The following CERS1 variants were observed in gnomAD, a reference collection of about 807,000 sequenced individuals.
CERS1 encodes the protein Embryonic growth/differentiation factor 1.
Under a neutral mutation model 35.7 loss-of-function variants are expected in CERS1, and 16 were observed. The ratio of observed to expected loss-of-function variants is 0.45; its 90% CI spans 0.30 to 0.68. The LOEUF is 0.68. Ranked by LOEUF, CERS1 falls within the 30% of genes least tolerant of loss-of-function variation. The pLI, the probability that CERS1 is intolerant of heterozygous loss-of-function variation, is 0.08. For synonymous variants in CERS1, 243 were observed against 201.6 expected (o/e 1.21, Z -1.74); for missense variants, 454 against 453.9 (o/e 1.00, Z 0.00).
At chr19:18,889,682 G>C (rs902952477) in intron 2 of CERS1, among the ~76,000 whole-genome samples, 1 of 151,984 alleles carries the variant, frequency 6.6e-6, no homozygotes, top group African/African-American at 2.4e-5. Flanking sequence ...CTCCCACCTT[G>C]GCCTCCCAAA....
intron 3 of CERS1, chr19:18,883,241 G>A (rs2056259229): frequency 6.6e-6 from 1 of 152,176 alleles, no homozygotes; most frequent in African/African-American, 2.4e-5. Context: ...AATAGTATAT[G>A]AGCAGTGTAT....
Position 18,896,014 on chromosome 19 carries a change from G to T in CERS1, c.59C>A (p.Ala20Glu). The T allele has an allele frequency of 9.9e-7, 1 of 1,009,026 alleles. No homozygotes were observed. Among genetic ancestry groups the T allele is most frequent in the Non-Finnish European group, 1.2e-6 (1 of 846,410 alleles). The allele number at this position is 1,009,026 out of a possible 1,614,324, so 62.5% of individuals were successfully genotyped here. A position where few individuals can be genotyped will look rare whatever the true frequency, so the allele number is the denominator to read the frequency against. ...PTGPEPMPSY[A>E]QLVQRGWGSA... ...GCCCCAGCCGCGCTGCACTAGCTGC[G>T]CGTAGCTCGGCATGGGCTCGGGCCC... is the stretch of plus-strand genomic sequence containing the variant. Residue 20 changes from alanine to glutamate, a missense_variant, in exon 1 of 8, where the codon GCG (alanine) becomes GAG (glutamate). Transcript: ENST00000623882. This position sits in a 1 kb window ranked among gnomAD's most constrained non-coding sequence, Gnocchi z 5.9.
intron 6 of CERS1, among the ~76,000 whole-genome samples, chr19:18,871,223 A>AT (rs572877061): frequency 0.017 from 1,988 of 119,752 alleles, 38 homozygotes; most frequent in African/African-American, 0.048. Context: ...ACTCCCAGCA[A>AT]TTTTTTTTTT....
chr19:18,892,804 G>C (rs867271278), intron 2 of CERS1, among the ~76,000 whole-genome samples: 2 of 152,046 alleles, frequency 1.3e-5, no homozygotes, highest in Non-Finnish European at 2.9e-5. Flanking sequence ...GCTCCAACAC[G>C]GCCAGATACC....
chr19:18,873,769 A>T (rs779538999), intron 6 of CERS1, among the ~76,000 whole-genome samples: 25 of 147,652 alleles, frequency 1.7e-4, no homozygotes, highest in Non-Finnish European at 2.3e-4. Flanking sequence ...TGAACCTGGA[A>T]GGCGGAGGTT....
chr19:18,893,622 A>G (rs768570682), intron 1 of CERS1, 47 bp from the exon 2 acceptor site: 3 of 1,563,202 alleles, frequency 1.9e-6, no homozygotes, highest in Non-Finnish European at 2.6e-6. Context: ...TGGGGGCCAG[A>G]GACTGCTCCT....
At chr19:18,875,542 CAAA>C (rs886609723) in intron 6 of CERS1, among the ~76,000 whole-genome samples, 7 of 97,304 alleles carry the variant, frequency 7.2e-5, no homozygotes, top group Non-Finnish European at 8.8e-5. Context: ...GACACTGTCT[CAAA>C]AAAAAAAAAA....
intron 6 of CERS1, among the ~76,000 whole-genome samples, chr19:18,874,414 C>T (rs144897473): frequency 0.012 from 1,887 of 152,324 alleles, 37 homozygotes; most frequent in African/African-American, 0.043. Flanking sequence ...AGCCATCCTC[C>T]AGCCTCGGCC....
At position 18,878,294 on chromosome 19, in the gene CERS1, C is replaced by T; in HGVS notation, c.1010+636G>A. On this transcript the variant is annotated intron_variant, in intron 6 of 7. Transcript: ENST00000623882. The surrounding 1 kb of genome is among the most constrained non-coding windows in gnomAD (Gnocchi z 4.6). ...GGCCTCCGTTCATCCCTGGCCCAGA[C>T]ACCCCCTGCCTGCCCCAGGCCTGGG... 1.0e-6 allele frequency: 1 copy of T among 985,944 alleles called. No homozygotes were observed. Among genetic ancestry groups the T allele is most frequent in the Non-Finnish European group, 1.2e-6 (1 of 830,442 alleles). 61.1% of individuals were successfully genotyped at this position (985,944 alleles called of 1,614,324 possible). A position where few individuals can be genotyped will look rare whatever the true frequency, so the allele number is the denominator to read the frequency against.
At chr19:18,881,710 C>A (rs11665939) in intron 3 of CERS1, 6,354 of 152,474 alleles carry the variant, frequency 0.042, 136 homozygotes, top group East Asian at 0.097. Context: ...ACGTGCTGTC[C>A]CCATGACCCA....
rs117665205 is a variant in CERS1 at position 18,878,902 on chromosome 19, C to T, written c.1010+28G>A. On this transcript the variant is annotated intron_variant, in intron 6 of 7. Transcript: ENST00000623882. This position sits in a 1 kb window ranked among gnomAD's most constrained non-coding sequence, Gnocchi z 4.6. ...GGACGGGTGACACTAAAGGAGGGAA[C>T]GCGGGGTGCGGGCCCCTCCACACTC... The T allele has an allele frequency of 9.3e-6, 15 of 1,610,440 alleles. No individual in the cohort carries two copies. Among genetic ancestry groups the T allele is most frequent in the African/African-American group, 2.7e-5 (2 of 74,988 alleles).
rs1280287025 is a variant in CERS1, at chr19:18,868,555, C to T, written c.*1430G>A. On this transcript the variant is annotated 3_prime_UTR_variant, in exon 8 of 8. Transcript: ENST00000623882. ...CCAAGGAGACCAGCGGAGCAGACCA[C>T]GCGGCATTTATTGTTGGGCCCGCGT... The T allele has an allele frequency of 2.1e-6, 3 of 1,453,742 alleles. No homozygotes were observed. Among genetic ancestry groups the T allele is most frequent in the African/African-American group, 2.8e-5 (2 of 70,798 alleles). The allele number at this position is 1,453,742 out of a possible 1,614,324, so 90.1% of individuals were successfully genotyped here.
intron 2 of CERS1, among the ~76,000 whole-genome samples, 184 bp from the exon 3 acceptor site, chr19:18,884,451 C>A (rs1002095987): frequency 6.6e-6 from 1 of 151,204 alleles, no homozygotes; most frequent in Non-Finnish European, 1.5e-5. Context: ...CGGAGTCTCC[C>A]TCTGTCGCCC....
At chr19:18,879,209 G>T in intron 5 of CERS1, 32 bp downstream of exon 5, 1 of 1,612,376 alleles carries the variant, frequency 6.2e-7, no homozygotes, top group Non-Finnish European at 8.5e-7. Context: ...GGACGGGACC[G>T]CCACTGTGGA....
At chr19:18,869,411 A>G in intron 7 of CERS1, 21 bp from the exon 8 acceptor site, 2 of 1,524,646 alleles carry the variant, frequency 1.3e-6, no homozygotes, top group African/African-American at 1.4e-5. Flanking sequence ...AGGAACAGGA[A>G]CTCGGCTCGC....
At chr19:18,880,803 T>C (rs117387811) in intron 3 of CERS1, among the ~76,000 whole-genome samples, 5,198 of 151,930 alleles carry the variant, frequency 0.034, 116 homozygotes, top group Non-Finnish European at 0.04. Context: ...GCTCAAGTGA[T>C]CCTCCCACCT....
At position 18,878,479 on chromosome 19, in the gene CERS1, T is replaced by C. The variant is rs115623466; in HGVS notation, c.1010+451A>G. 5,534 of 994,876 alleles carry C rather than the reference T, an allele frequency of 5.6e-3. 232 individuals carry two copies. The African/African-American group carries it at 0.089, about 16-fold the overall frequency. The allele number at this position is 994,876 out of a possible 1,614,324, so 61.6% of individuals were successfully genotyped here. A position where few individuals can be genotyped will look rare whatever the true frequency, so the allele number is the denominator to read the frequency against. The stretch of plus-strand genomic sequence containing the variant: ...CCTGTCAAACTCAGAGGCCAGGATG[T>C]CTCGGCCCAGATGGAGCCTGGGTTC... On this transcript the variant is annotated intron_variant, in intron 6 of 7. Transcript: ENST00000623882. The surrounding 1 kb of genome is among the most constrained non-coding windows in gnomAD (Gnocchi z 4.6).
rs891161198 is a variant in CERS1 at position 18,878,295 on chromosome 19, A to C, written c.1010+635T>G. On this transcript the variant is annotated intron_variant, in intron 6 of 7. Transcript: ENST00000623882. This position sits in a 1 kb window ranked among gnomAD's most constrained non-coding sequence, Gnocchi z 4.6. The stretch of plus-strand genomic sequence containing the variant: ...GCCTCCGTTCATCCCTGGCCCAGAC[A>C]CCCCCTGCCTGCCCCAGGCCTGGGG... 1.1e-5 allele frequency: 11 copies of C among 984,798 alleles called. No homozygotes were observed. The African/African-American group carries it at 1.9e-4, about 17-fold the overall frequency. The allele number at this position is 984,798 out of a possible 1,614,324, so 61.0% of individuals were successfully genotyped here.
intron 6 of CERS1, among the ~76,000 whole-genome samples, chr19:18,871,042 T>C (rs1015415205): frequency 2.6e-5 from 4 of 151,828 alleles, no homozygotes; most frequent in African/African-American, 9.7e-5. Flanking sequence ...CCAGTGGCCC[T>C]GGCTGGCATC....
Sources: gnomAD v4.1 joint callset for allele counts (sites outside exome capture counted in the v4.1 genomes callset) on GRCh38, gnomAD v4.1.1 for gene constraint, Gnocchi (gnomAD v3.1) non-coding constraint, MANE v1.5 for transcripts, NCBI Gene and HGNC (gene_info 2026-07-23, HGNC 2026-07-21) for gene names.